CDH13: variants seen among roughly 807,000 people sequenced by gnomAD.
CDH13 encodes cadherin-13.
CDH13 carries 24 observed loss-of-function variants against 63.8 expected under a neutral mutation model. The ratio of observed to expected loss-of-function variants is 0.38; its 90% CI spans 0.27 to 0.53. CDH13 has a LOEUF of 0.53. Among genes scored for constraint, CDH13 ranks in the 20% least tolerant of loss-of-function variants. The pLI is 0.85. For synonymous variants in CDH13, 503 were observed against 355.3 expected (o/e 1.42, Z -4.67); for missense variants, 1,049 against 903.1 (o/e 1.16, Z -2.07).
intron 7 of CDH13, 103 bp from the exon 8 acceptor site, chr16:83,602,351 T>C: frequency 9.0e-7 from 1 of 1,106,884 alleles, no homozygotes; most frequent in East Asian, 2.3e-5. Context: ...CTACCCTAGA[T>C]GGAGGAGGGG....
At chr16:82,828,921 C>T (rs1220617661) in intron 1 of CDH13, among the ~76,000 whole-genome samples, 1 of 152,032 alleles carries the variant, frequency 6.6e-6, no homozygotes, top group Non-Finnish European at 1.5e-5. Context: ...TCACAGATAC[C>T]AAGGGACAAT....
At chr16:82,886,381 A>G (rs2040886793) in intron 2 of CDH13, among the ~76,000 whole-genome samples, 1 of 152,176 alleles carries the variant, frequency 6.6e-6, no homozygotes, top group Non-Finnish European at 1.5e-5. Flanking sequence ...TTTCTGCACT[A>G]TTGCCAGTGT....
At chr16:83,096,179 C>T (rs2034183414) in intron 3 of CDH13, among the ~76,000 whole-genome samples, 1 of 152,150 alleles carries the variant, frequency 6.6e-6, no homozygotes, top group Admixed American at 6.5e-5. Context: ...CATTGCGTAC[C>T]AGGCTATGTG....
intron 7 of CDH13, among the ~76,000 whole-genome samples, chr16:83,538,160 G>A (rs983218194): frequency 9.9e-5 from 15 of 152,174 alleles, no homozygotes; most frequent in African/African-American, 3.6e-4. Context: ...GAAATGTGCC[G>A]AGTGGCTCAG....
intron 1 of CDH13, among the ~76,000 whole-genome samples, chr16:82,790,193 T>C (rs2036230099): frequency 6.6e-6 from 1 of 152,052 alleles, no homozygotes; most frequent in African/African-American, 2.4e-5. Flanking sequence ...TCCCAGCCCT[T>C]TGGGAGGCCG....
intron 6 of CDH13, among the ~76,000 whole-genome samples, chr16:83,466,445 A>T (rs1310361402): frequency 6.6e-6 from 1 of 152,202 alleles, no homozygotes; most frequent in African/African-American, 2.4e-5. Flanking sequence ...CCTTCCTATG[A>T]TCCACTGTCA....
chr16:83,295,982 G>A (rs1481824668), intron 5 of CDH13, among the ~76,000 whole-genome samples: 2 of 152,146 alleles, frequency 1.3e-5, no homozygotes, highest in East Asian at 1.9e-4. Context: ...AATTAAAATT[G>A]TATCTTTATG....
chr16:83,004,608 G>A (rs1036087779), intron 2 of CDH13, among the ~76,000 whole-genome samples: 5 of 151,870 alleles, frequency 3.3e-5, no homozygotes, highest in Non-Finnish European at 7.4e-5. Context: ...AGCGATTCTC[G>A]TGCCTCAGCT....
At chr16:82,931,143 C>G (rs2151295156) in intron 2 of CDH13, among the ~76,000 whole-genome samples, 1 of 152,292 alleles carries the variant, frequency 6.6e-6, no homozygotes, top group East Asian at 1.9e-4. Flanking sequence ...TGACTCTGCC[C>G]AAGAAACCTG....
At chr16:83,055,153 C>G (rs879264484) in intron 3 of CDH13, among the ~76,000 whole-genome samples, 1 of 151,644 alleles carries the variant, frequency 6.6e-6, no homozygotes, top group African/African-American at 2.4e-5. Flanking sequence ...AATGGAAATA[C>G]AACATAACAA....
rs543847372 is a variant in CDH13 at position 83,087,773 on chromosome 16, T to C, written c.367-37612T>C. Among the ~76,000 whole-genome samples, 3 of 151,308 alleles carry C rather than the reference T, an allele frequency of 2.0e-5. No individual in the cohort carries two copies. The South Asian group carries it at 6.3e-4, about 32-fold the overall frequency. Reference sequence around the variant, plus strand: ...ACTTTCATTGAATTTTTAAACCTAATGATGTTTATTTTCAAACACTTCAGT... The same window carrying C: ...ACTTTCATTGAATTTTTAAACCTAACGATGTTTATTTTCAAACACTTCAGT... On this transcript the variant is annotated intron_variant, in intron 3 of 13. Coordinates refer to ENST00000567109, the MANE Select transcript of CDH13 (RefSeq NM_001257.5).
intron 2 of CDH13, among the ~76,000 whole-genome samples, chr16:82,961,572 T>TTAAAAA (rs774564311): frequency 1.2e-4 from 12 of 103,386 alleles, no homozygotes; most frequent in African/African-American, 4.4e-4. Flanking sequence ...GCAGGGGACT[T>TTAAAAA]AAAAAAAAAA....
chr16:83,132,661 A>G (rs1409075307), intron 4 of CDH13, among the ~76,000 whole-genome samples: 1 of 151,800 alleles, frequency 6.6e-6, no homozygotes, highest in Non-Finnish European at 1.5e-5. Flanking sequence ...GGCCAGACTC[A>G]TCTGGATCCA....
intron 3 of CDH13, among the ~76,000 whole-genome samples, chr16:83,070,321 T>G (rs978533801): frequency 7.9e-5 from 12 of 152,204 alleles, no homozygotes; most frequent in Admixed American, 4.6e-4. Flanking sequence ...TACGATGACC[T>G]TTGAGGTGCC....
chr16:83,245,979 C>T (rs535030596), intron 5 of CDH13, among the ~76,000 whole-genome samples: 1 of 152,320 alleles, frequency 6.6e-6, no homozygotes, highest in East Asian at 1.9e-4. Context: ...TCAAGCTATC[C>T]ACCTGCCTTG....
intron 8 of CDH13, among the ~76,000 whole-genome samples, chr16:83,651,891 A>G (rs1250344240): frequency 6.6e-6 from 1 of 151,984 alleles, no homozygotes; most frequent in Non-Finnish European, 1.5e-5. Flanking sequence ...CACCACACCC[A>G]TCCCATAGGT....
intron 10 of CDH13, among the ~76,000 whole-genome samples, chr16:83,737,215 A>G (rs1419726377): frequency 6.6e-6 from 1 of 152,140 alleles, no homozygotes; most frequent in African/African-American, 2.4e-5. Context: ...TTCCTAGACT[A>G]AATCATTCTC....
At chr16:83,646,692 CAAAAAAAA>C (rs199756336) in intron 8 of CDH13, among the ~76,000 whole-genome samples, 959 of 72,694 alleles carry the variant, frequency 0.013, 25 homozygotes, top group African/African-American at 0.037. Context: ...GACTCCGTCT[CAAAAAAAA>C]AAAAAAAAAA....
At chr16:82,716,563 G>A (rs1409496267) in intron 1 of CDH13, among the ~76,000 whole-genome samples, 2 of 149,782 alleles carry the variant, frequency 1.3e-5, no homozygotes, top group African/African-American at 2.5e-5. Context: ...CTGGAAAAGA[G>A]AAGGCTGAGG....
Sources: gnomAD v4.1 joint callset for allele counts (sites outside exome capture counted in the v4.1 genomes callset) on GRCh38, gnomAD v4.1.1 for gene constraint, MANE v1.5 for transcripts, NCBI Gene and HGNC (gene_info 2026-07-23, HGNC 2026-07-21) for gene names.